The following ZBTB47 variants were observed in gnomAD, a reference collection of about 807,000 sequenced individuals.
ZBTB47 encodes the protein zinc finger and BTB domain-containing protein 47.
In ZBTB47, 24 loss-of-function variants were observed where a neutral mutation model predicts 56.6. The observed-to-expected ratio is 0.42, with a 90% CI of 0.31 to 0.60. The LOEUF is 0.60. Among genes scored for constraint, ZBTB47 ranks in the 20% least tolerant of loss-of-function variants. The pLI is 0.14. For synonymous variants in ZBTB47, 414 were observed against 418.9 expected, an observed-to-expected ratio of 0.99 and a Z score of 0.14; for missense variants, 829 against 1,032.6, an observed-to-expected ratio of 0.80 and a Z score of 2.70.
At chr3:42,661,461 G>T in intron 2 of ZBTB47, 24 bp from the exon 3 acceptor site, 1 of 1,611,092 alleles carries the variant, frequency 6.2e-7, no homozygotes, top group East Asian at 2.2e-5. Context: ...AGGACCCAGG[G>T]CCTCAAGTCC....
In ZBTB47 at chr3:42,653,890, A is replaced by G. The variant is rs1234930562; in HGVS notation, c.-82+7A>G. 1.3e-5 allele frequency: 2 copies of G among 152,356 alleles called. No homozygotes were observed. Among genetic ancestry groups the G allele is most frequent in the African/African-American group, 4.8e-5 (2 of 41,436 alleles). 9.4% of individuals were successfully genotyped at this position (152,356 alleles called of 1,614,324 possible). Reference sequence around the variant, plus strand: ...TGCAGCATGAGGCCGCCAGGTAGGTATGGGTCCACTGGAGCCAAGTCCTGG... The same window carrying G: ...TGCAGCATGAGGCCGCCAGGTAGGTGTGGGTCCACTGGAGCCAAGTCCTGG... On this transcript the variant is annotated splice_region_variant and intron_variant, in intron 1 of 5. Coordinates refer to ENST00000232974, the MANE Select transcript of ZBTB47 (RefSeq NM_145166.4).
At chr3:42,662,743 A>T (rs1183374654) in intron 3 of ZBTB47, among the ~76,000 whole-genome samples, 1 of 152,200 alleles carries the variant, frequency 6.6e-6, no homozygotes, top group African/African-American at 2.4e-5. Context: ...TTTGGGGGCA[A>T]GGCAGCCTTG....
rs368024610 is a variant in ZBTB47 at position 42,663,651 on chromosome 3, C to T, written c.1738-146C>T. ...ATGTACTGCCCACCCAGATGCACCT[C>T]GGCTTGCCCTCATGTCCCCATCTCC... On this transcript the variant is annotated intron_variant, in intron 4 of 5. Transcript: ENST00000232974. This position sits in a 1 kb window ranked among gnomAD's most constrained non-coding sequence, Gnocchi z 5.1. The T allele has an allele frequency of 2.0e-6, 2 of 1,022,444 alleles. No individual in the cohort carries two copies. The highest frequency in any genetic ancestry group is 1.6e-5 in the African/African-American group (1 of 62,000). 63.3% of individuals were successfully genotyped at this position (1,022,444 alleles called of 1,614,324 possible).
chr3:42,663,041 G>A lies in ZBTB47; in HGVS notation c.1651G>A (p.Glu551Lys), dbSNP rs371425317. Reference sequence around the variant, plus strand: ...CACCAAGGACATGCCCTTCACCTGCGAGACCTGCGGAAAGTCCTTCAAGCG... The same window carrying A: ...CACCAAGGACATGCCCTTCACCTGCAAGACCTGCGGAAAGTCCTTCAAGCG... Reference protein sequence around the residue: ...AHTKDMPFTCETCGKSFKRSM... With the variant: ...AHTKDMPFTCKTCGKSFKRSM... Residue 551 changes from glutamate (E) to lysine (K), a missense_variant, in exon 4 of 6, where the codon GAG (glutamate) becomes AAG (lysine). By Grantham distance (56) the Glu-to-Lys change is moderately conservative. Coordinates refer to ENST00000232974, the MANE Select transcript of ZBTB47 (RefSeq NM_145166.4). The surrounding 1 kb of genome is among the most constrained non-coding windows in gnomAD (Gnocchi z 5.1). 9 of 1,613,844 alleles carry A rather than the reference G, an allele frequency of 5.6e-6. No individual in the cohort carries two copies. The highest frequency in any genetic ancestry group is 2.2e-5 in the East Asian group (1 of 44,876).
intron 2 of ZBTB47, among the ~76,000 whole-genome samples, chr3:42,661,050 A>C (rs962479506): frequency 6.6e-6 from 1 of 152,134 alleles, no homozygotes; most frequent in Non-Finnish European, 1.5e-5. Flanking sequence ...TCATGGTGTC[A>C]TGGCACAGGT....
chr3:42,664,172 G>T, intron 5 of ZBTB47, 65 bp from the exon 6 acceptor site: 10 of 1,586,608 alleles, frequency 6.3e-6, no homozygotes, highest in Non-Finnish European at 7.7e-6. Context: ...GGAGACGGAG[G>T]CTGGCCCCAG....
In ZBTB47 at chr3:42,659,282, C is replaced by T; in HGVS notation, c.927C>T (p.Gly309=). 1 of 1,497,436 alleles carries T rather than the reference C, an allele frequency of 6.7e-7. No individual in the cohort carries two copies. 92.8% of individuals were successfully genotyped at this position (1,497,436 alleles called of 1,614,324 possible). The change falls in exon 2 of 6, where the codon GGC becomes GGT. Residue 309 remains glycine (G), a synonymous_variant. Transcript: ENST00000232974. ...AGGAGGAGGAGGAGGAAGAGGGTGG[C>T]AGTCAGGGAGAAGAGGAAGAAGAGG... The part of the protein sequence containing the change: ...GREEEEEEEG[G]SQGEEEEEEE...
intron 3 of ZBTB47, among the ~76,000 whole-genome samples, chr3:42,661,954 A>AG (rs1710727495): frequency 6.6e-6 from 1 of 152,208 alleles, no homozygotes; most frequent in Admixed American, 6.5e-5. Flanking sequence ...CAGGGAAAAG[A>AG]ATACCTTTTC....
Position 42,654,221 on chromosome 3 carries a change from C to G in ZBTB47, c.-82+338C>G, listed in dbSNP as rs1305059198. 1 of 152,100 alleles carries G rather than the reference C, an allele frequency of 6.6e-6. No homozygotes were observed. Among genetic ancestry groups the G allele is most frequent in the South Asian group, 2.1e-4 (1 of 4,820 alleles). The allele number at this position is 152,100 out of a possible 1,614,324, so 9.4% of individuals were successfully genotyped here. ...CGATGTTTGACTCCCGGACGAACTT[C>G]CCGGCAGAAAGGAGGCTCAGCACGG... On this transcript the variant is annotated intron_variant, in intron 1 of 5. Coordinates refer to ENST00000232974, the MANE Select transcript of ZBTB47 (RefSeq NM_145166.4). This position sits in a 1 kb window ranked among gnomAD's most constrained non-coding sequence, Gnocchi z 5.0.
At position 42,664,468 on chromosome 3, in the gene ZBTB47, C is replaced by G; in HGVS notation, c.2114C>G (p.Pro705Arg). 1 of 1,515,818 alleles carries G rather than the reference C, an allele frequency of 6.6e-7. No individual in the cohort carries two copies. The highest frequency in any genetic ancestry group is 1.8e-4 in the Middle Eastern group (1 of 5,638). 93.9% of individuals were successfully genotyped at this position (1,515,818 alleles called of 1,614,324 possible). Residue 705 changes from proline to arginine, a missense_variant, in exon 6 of 6, where the codon CCC (proline) becomes CGC (arginine). This residue lies in a region of ZBTB47 where 115 missense variants were observed against 117.2 expected (regional missense o/e 0.98). Transcript: ENST00000232974. ...PAAPGLPPTQ[P>R]QAHALPLLPG... ...GCCCCAGGCCTGCCCCCAACCCAGC[C>G]CCAGGCGCACGCACTGCCCCTGCTC... is the stretch of plus-strand genomic sequence containing the variant.
Position 42,659,183 on chromosome 3 carries a change from G to C in ZBTB47, c.828G>C (p.Ser276=), listed in dbSNP as rs766823446. Residue 276 remains serine (S), a synonymous_variant, in exon 2 of 6, where the codon TCG becomes TCC. Transcript: ENST00000232974. ...LGREDGLQRH[S]DEEEEDDEEE... is the part of the protein sequence containing the mutation. ...GGGAGGACGGGCTGCAGAGACACTC[G>C]GACGAGGAGGAGGAGGACGACGAGG... 2 of 1,524,110 alleles carry C rather than the reference G, an allele frequency of 1.3e-6. No homozygotes were observed. The highest frequency in any genetic ancestry group is 1.4e-5 in the African/African-American group (1 of 72,796). The allele number at this position is 1,524,110 out of a possible 1,614,324, so 94.4% of individuals were successfully genotyped here.
Position 42,664,982 on chromosome 3 carries a change from G to A in ZBTB47, c.*384G>A, listed in dbSNP as rs1290108529. 5.9e-6 allele frequency: 1 copy of A among 170,788 alleles called. No homozygotes were observed. Among genetic ancestry groups the A allele is most frequent in the African/African-American group, 2.4e-5 (1 of 42,206 alleles). 10.6% of individuals were successfully genotyped at this position (170,788 alleles called of 1,614,324 possible). On this transcript the variant is annotated 3_prime_UTR_variant, in exon 6 of 6. Transcript: ENST00000232974. Reference sequence around the variant, plus strand: ...GGCCAGTCCCTCTGCCAAGGCCTGTGCCAGAGGGGTTGGCCAGTTGGAGCC... The same window carrying A: ...GGCCAGTCCCTCTGCCAAGGCCTGTACCAGAGGGGTTGGCCAGTTGGAGCC...
rs749088872 is a variant in ZBTB47, at chr3:42,659,142, A to G, written c.787A>G (p.Thr263Ala). 27 of 1,505,418 alleles carry G rather than the reference A, an allele frequency of 1.8e-5. No homozygotes were observed. The highest frequency in any genetic ancestry group is 6.2e-5 in the Admixed American group (3 of 48,420). 93.3% of individuals were successfully genotyped at this position (1,505,418 alleles called of 1,614,324 possible). A position where few individuals can be genotyped will look rare whatever the true frequency, so the allele number is the denominator to read the frequency against. ...GKPGAGPSPATVVLGREDGLQ... is the reference protein window; with the variant it reads ...GKPGAGPSPAAVVLGREDGLQ... ...GCCAGGTGCCGGGCCAAGCCCAGCC[A>G]CCGTGGTTCTGGGCCGGGAGGACGG... The change falls in exon 2 of 6, where the codon ACC becomes GCC. Residue 263 changes from threonine (T) to alanine (A), a missense_variant. By Grantham distance (58) the Thr-to-Ala change is moderately conservative. Transcript: ENST00000232974.
At position 42,665,468 on chromosome 3, in the gene ZBTB47, A is replaced by T. The variant is rs891499505; in HGVS notation, c.*870A>T. 1.3e-5 allele frequency: 2 copies of T among 152,696 alleles called. No homozygotes were observed. Among genetic ancestry groups the T allele is most frequent in the African/African-American group, 2.4e-5 (1 of 41,404 alleles). The allele number at this position is 152,696 out of a possible 1,614,324, so 9.5% of individuals were successfully genotyped here. ...CAGAGTCCTAGGATGAGGCTTGGGCAGTGCTGGTAGGGTTTCAAGGTGCTA... is the reference window on the plus strand; with the variant it reads ...CAGAGTCCTAGGATGAGGCTTGGGCTGTGCTGGTAGGGTTTCAAGGTGCTA... On this transcript the variant is annotated 3_prime_UTR_variant, in exon 6 of 6. Coordinates refer to ENST00000232974, the MANE Select transcript of ZBTB47 (RefSeq NM_145166.4).
chr3:42,664,349 T>C lies in ZBTB47; in HGVS notation c.1995T>C (p.Cys665=). The change falls in exon 6 of 6, where the codon TGT becomes TGC. Residue 665 remains cysteine (C), a synonymous_variant. Transcript: ENST00000232974. ...AGAAGCCGTACCCGTGCGACGTGTG[T>C]GGCCAGCGCTTCCGCTTCTCCAACA... ...TGEKPYPCDV[C]GQRFRFSNML... 1.2e-6 allele frequency: 2 copies of C among 1,612,538 alleles called. No homozygotes were observed. The highest frequency in any genetic ancestry group is 1.7e-6 in the Non-Finnish European group (2 of 1,179,444).
intron 1 of ZBTB47, 22 bp from the exon 2 acceptor site, chr3:42,658,253 C>T (rs1710661606): frequency 2.7e-6 from 4 of 1,461,878 alleles, no homozygotes; most frequent in South Asian, 2.8e-5. Flanking sequence ...TTGACCCACT[C>T]CTGTGCCCTC....
At chr3:42,661,946 G>A (rs972741358) in intron 3 of ZBTB47, among the ~76,000 whole-genome samples, 2 of 152,254 alleles carry the variant, frequency 1.3e-5, no homozygotes, top group Non-Finnish European at 2.9e-5. Context: ...TGTCCACCCA[G>A]GGAAAAGAAT....
In ZBTB47 at chr3:42,663,248, AG is replaced by A. The variant is rs1272668128; in HGVS notation, c.1737+122del. ...TGGAATGTAGTGTCCAGAAAGAGAG[AG>A]CCCTGCCCTCTGAGGTCTGCAGCCC... On this transcript the variant is annotated intron_variant, in intron 4 of 5. Transcript: ENST00000232974. The surrounding 1 kb of genome is among the most constrained non-coding windows in gnomAD (Gnocchi z 5.1). The A allele has an allele frequency of 2.7e-6, 2 of 729,260 alleles. No homozygotes were observed. Among genetic ancestry groups the A allele is most frequent in the African/African-American group, 3.5e-5 (2 of 57,352 alleles). The allele number at this position is 729,260 out of a possible 1,614,324, so 45.2% of individuals were successfully genotyped here. A position where few individuals can be genotyped will look rare whatever the true frequency, so the allele number is the denominator to read the frequency against.
chr3:42,662,156 C>A (rs1434228120), intron 3 of ZBTB47, among the ~76,000 whole-genome samples: 1 of 152,180 alleles, frequency 6.6e-6, no homozygotes, highest in Non-Finnish European at 1.5e-5. Context: ...ACGCCACTGC[C>A]CCAGGCAAGG....
Sources: gnomAD v4.1 joint callset for allele counts (sites outside exome capture counted in the v4.1 genomes callset) on GRCh38, gnomAD v4.1.1 for gene constraint, gnomAD v4.1.1 regional missense constraint, Gnocchi (gnomAD v3.1) non-coding constraint, MANE v1.5 for transcripts, NCBI Gene and HGNC (gene_info 2026-07-23, HGNC 2026-07-21) for gene names.